SPIDR: variants seen among roughly 807,000 people sequenced by gnomAD.
SPIDR encodes the protein scaffold protein involved in DNA repair, also known as DNA repair-scaffolding protein.
SPIDR carries 93 observed loss-of-function variants against 104.6 expected under a neutral mutation model. That is an observed-to-expected ratio of 0.89 (90% CI 0.75 to 1.06). SPIDR has a LOEUF of 1.06. Ranked by LOEUF, SPIDR falls within the 50% of genes least tolerant of loss-of-function variation. SPIDR has a pLI of 0.00. For synonymous variants in SPIDR, 431 were observed against 416.9 expected, an observed-to-expected ratio of 1.03 and a Z score of -0.41; for missense variants, 1,154 against 1,111.2, an observed-to-expected ratio of 1.04 and a Z score of -0.55.
intron 7 of SPIDR, among the ~76,000 whole-genome samples, chr8:47,436,323 GA>G (rs1472520661): frequency 6.6e-6 from 1 of 152,336 alleles, no homozygotes; most frequent in Middle Eastern, 3.4e-3. Context: ...AGCAGTTATG[GA>G]AAATGTTGCC....
intron 5 of SPIDR, among the ~76,000 whole-genome samples, chr8:47,301,333 T>C (rs2042049003): frequency 6.6e-6 from 1 of 152,230 alleles, no homozygotes; most frequent in African/African-American, 2.4e-5. Flanking sequence ...TGAGCCTATG[T>C]GTGTCTCTGC....
chr8:47,277,494 T>C (rs939694993), intron 1 of SPIDR, among the ~76,000 whole-genome samples: 126 of 151,200 alleles, frequency 8.3e-4, no homozygotes, highest in African/African-American at 3.0e-3. Context: ...GCCTCCTGAG[T>C]AGCTGGGACC....
At chr8:47,573,081 T>C (rs1439265268) in intron 8 of SPIDR, among the ~76,000 whole-genome samples, 2 of 152,236 alleles carry the variant, frequency 1.3e-5, no homozygotes, top group Non-Finnish European at 2.9e-5. Context: ...AAGACAAATA[T>C]ACCTAAAGTA....
At chr8:47,627,229 G>A (rs1450133450) in intron 10 of SPIDR, among the ~76,000 whole-genome samples, 5 of 152,104 alleles carry the variant, frequency 3.3e-5, no homozygotes, top group Non-Finnish European at 7.3e-5. Context: ...CACACTCTGG[G>A]GACTGTTGTG....
intron 5 of SPIDR, among the ~76,000 whole-genome samples, chr8:47,304,319 C>G (rs1256845926): frequency 6.6e-6 from 1 of 151,908 alleles, no homozygotes; most frequent in East Asian, 1.9e-4. Context: ...GCACCAAAAC[C>G]CTTGGTACTG....
At chr8:47,650,408 G>A (rs1194185223) in intron 10 of SPIDR, among the ~76,000 whole-genome samples, 1 of 152,112 alleles carries the variant, frequency 6.6e-6, no homozygotes, top group Non-Finnish European at 1.5e-5. Context: ...CCAAGGAGGT[G>A]AAAGATAAAG....
At chr8:47,515,805 A>G (rs1012629546) in intron 8 of SPIDR, among the ~76,000 whole-genome samples, 7 of 152,224 alleles carry the variant, frequency 4.6e-5, no homozygotes, top group African/African-American at 9.6e-5. Flanking sequence ...CATACAGTCC[A>G]TGAAATGCCT....
chr8:47,425,485 G>A (rs782568423), intron 7 of SPIDR, among the ~76,000 whole-genome samples: 4 of 152,184 alleles, frequency 2.6e-5, no homozygotes, highest in South Asian at 2.1e-4. Flanking sequence ...ATGGAAGCGA[G>A]CTTCATATTT....
At chr8:47,534,507 G>A (rs2086583345) in intron 8 of SPIDR, among the ~76,000 whole-genome samples, 1 of 152,132 alleles carries the variant, frequency 6.6e-6, no homozygotes, top group Non-Finnish European at 1.5e-5. Flanking sequence ...AGCCTATTAT[G>A]CTTAGCAAAG....
chr8:47,607,544 T>C (rs2063110068), intron 10 of SPIDR, among the ~76,000 whole-genome samples: 1 of 150,658 alleles, frequency 6.6e-6, no homozygotes, highest in African/African-American at 2.4e-5. Context: ...GTTTGGACAG[T>C]GGAAAAAGAC....
At chr8:47,388,204 G>A (rs1210427432) in intron 5 of SPIDR, 1 of 152,180 alleles carries the variant, frequency 6.6e-6, no homozygotes. Flanking sequence ...GCACTAGTGT[G>A]AGCCATACTT....
chr8:47,735,105 T>TGTGG (rs1163430763), intron 19 of SPIDR, among the ~76,000 whole-genome samples: 32 of 127,464 alleles, frequency 2.5e-4, no homozygotes, highest in African/African-American at 1.2e-3. Flanking sequence ...GGTGTGTGTG[T>TGTGG]GTGTGGGTGT....
intron 8 of SPIDR, among the ~76,000 whole-genome samples, chr8:47,499,209 G>A (rs61589037): frequency 0.013 from 1,955 of 152,284 alleles, 51 homozygotes; most frequent in African/African-American, 0.045. Flanking sequence ...GTAACACATT[G>A]CTTGATGCAT....
At chr8:47,685,501 A>ATTT (rs1326028640) in intron 11 of SPIDR, among the ~76,000 whole-genome samples, 16 of 110,288 alleles carry the variant, frequency 1.5e-4, no homozygotes, top group African/African-American at 1.9e-4. Flanking sequence ...TTATTTATTT[A>ATTT]TTTATTTATT....
At chr8:47,516,052 G>A (rs568452613) in intron 8 of SPIDR, among the ~76,000 whole-genome samples, 14 of 152,254 alleles carry the variant, frequency 9.2e-5, no homozygotes, top group South Asian at 2.1e-4. Context: ...CTCGTGATCC[G>A]CCCGCCTCGG....
intron 5 of SPIDR, among the ~76,000 whole-genome samples, chr8:47,339,841 G>A (rs1384767727): frequency 6.6e-6 from 1 of 151,692 alleles, no homozygotes; most frequent in Non-Finnish European, 1.5e-5. Flanking sequence ...CACCACAGCT[G>A]CCTAATTTTT....
chr8:47,504,504 C>A (rs1302920899), intron 8 of SPIDR, among the ~76,000 whole-genome samples: 1 of 152,150 alleles, frequency 6.6e-6, no homozygotes. Flanking sequence ...TTAAGGACTT[C>A]TCTGCATTGG....
chr8:47,640,692 T>TG (rs2068730296), intron 10 of SPIDR, among the ~76,000 whole-genome samples: 1 of 148,446 alleles, frequency 6.7e-6, no homozygotes, highest in Non-Finnish European at 1.5e-5. Flanking sequence ...TTGTTGTTGT[T>TG]TTTGAGACGG....
intron 8 of SPIDR, among the ~76,000 whole-genome samples, chr8:47,541,742 C>CA (rs1377137557): frequency 6.6e-6 from 1 of 151,900 alleles, no homozygotes; most frequent in Non-Finnish European, 1.5e-5. Context: ...ACTAAAAATA[C>CA]AAAAAAATTA....
Sources: allele counts gnomAD v4.1 joint callset (sites outside exome capture counted in the v4.1 genomes callset), GRCh38; gene constraint gnomAD v4.1.1; transcripts MANE v1.5; gene names NCBI Gene and HGNC (gene_info 2026-07-23, HGNC 2026-07-21).